VPS13A: variants seen among roughly 807,000 people sequenced by gnomAD.
VPS13A encodes the protein intermembrane lipid transfer protein VPS13A.
A neutral mutation model predicts 390.9 loss-of-function variants in VPS13A; 264 were observed. The ratio of observed to expected loss-of-function variants is 0.68; its 90% confidence interval spans 0.61 to 0.75. The LOEUF (loss-of-function observed/expected upper bound fraction) is 0.75, where lower values mean the gene tolerates loss of function less well. VPS13A is among the 30% of genes least tolerant of loss of function. The probability of loss-of-function intolerance (pLI) is 0.00; values close to 1 mark genes in which losing one functional copy is unlikely to be tolerated. For synonymous variants in VPS13A, 1,231 were observed against 1,227.1 expected (o/e 1.00, Z -0.07); for missense variants, 3,409 against 3,733.9 (o/e 0.91, Z 2.27).
At chr9:77,366,656 T>G (rs1018219086) in intron 60 of VPS13A, 71 bp from the exon 61 acceptor site, 28 of 1,365,784 alleles carry the variant, frequency 2.1e-5, no homozygotes, top group Non-Finnish European at 2.7e-5. Flanking sequence ...AAAATTAAAC[T>G]GATTTTTTAA....
chr9:77,220,693 C>G (rs536373858), intron 12 of VPS13A, among the ~76,000 whole-genome samples: 2 of 152,036 alleles, frequency 1.3e-5, no homozygotes, highest in Non-Finnish European at 2.9e-5. Context: ...TGCATTGTCT[C>G]TCCCCAACCC....
At chr9:77,278,101 C>T (rs1024105973) in intron 26 of VPS13A, among the ~76,000 whole-genome samples, 5 of 151,786 alleles carry the variant, frequency 3.3e-5, no homozygotes, top group Non-Finnish European at 5.9e-5. Flanking sequence ...GATGGAGTCT[C>T]GCTCTGTTGC....
intron 3 of VPS13A, among the ~76,000 whole-genome samples, chr9:77,203,330 C>T (rs150103730): frequency 5.1e-4 from 78 of 152,154 alleles, no homozygotes; most frequent in Non-Finnish European, 8.8e-4. Flanking sequence ...GCTCTGTTGC[C>T]CAGGCTGGAG....
chr9:77,222,102 T>G (rs1228294719), intron 13 of VPS13A, among the ~76,000 whole-genome samples: 1 of 152,188 alleles, frequency 6.6e-6, no homozygotes, highest in East Asian at 1.9e-4. Context: ...GAAGTTAATG[T>G]AAACATTCTG....
intron 50 of VPS13A, 132 bp from the exon 51 acceptor site, chr9:77,344,021 C>T (rs1830991876): frequency 2.5e-6 from 2 of 812,920 alleles, no homozygotes; most frequent in Admixed American, 5.7e-5. Flanking sequence ...GTTTAAACAA[C>T]CCAATAACTA....
chr9:77,266,570 G>A (rs116973070), intron 23 of VPS13A, among the ~76,000 whole-genome samples: 11 of 152,204 alleles, frequency 7.2e-5, no homozygotes, highest in Admixed American at 1.3e-4. Context: ...GTAACCTGAC[G>A]TTTCTCTGTG....
intron 25 of VPS13A, 91 bp downstream of exon 25, chr9:77,275,743 A>G (rs1826625579): frequency 2.1e-6 from 3 of 1,406,796 alleles, no homozygotes; most frequent in Admixed American, 3.6e-5. Flanking sequence ...AAGAAGCACT[A>G]TCTTTTTCAC....
At chr9:77,339,100 A>T (rs190758879) in intron 47 of VPS13A, 2 of 212,074 alleles carry the variant, frequency 9.4e-6, no homozygotes, top group African/African-American at 4.8e-5. Context: ...AGTAGGGATT[A>T]CTTATTTTGG....
intron 52 of VPS13A, among the ~76,000 whole-genome samples, chr9:77,348,282 C>T (rs190782360): frequency 2.6e-5 from 4 of 152,256 alleles, no homozygotes; most frequent in Admixed American, 6.5e-5. Flanking sequence ...ACCATGGATA[C>T]TATGCAGCCG....
At position 77,372,767 on chromosome 9, in the gene VPS13A, A is replaced by G. The variant is rs555087319; in HGVS notation, c.9077+1618A>G. 5.9e-5 allele frequency among the ~76,000 whole-genome samples: 9 copies of G among 152,360 alleles called. No individual in the cohort carries two copies. The East Asian group carries it at 7.7e-4, about 13-fold the overall frequency. Reference sequence around the variant, plus strand: ...TCTCAGCCCAAAATCTCCTTAAGCTAAGAAGCAACTTCAGCAAAGTCTTAG... The same window carrying G: ...TCTCAGCCCAAAATCTCCTTAAGCTGAGAAGCAACTTCAGCAAAGTCTTAG... On this transcript the variant is annotated intron_variant, in intron 67 of 71. Transcript: ENST00000360280.
At chr9:77,196,048 T>G (rs1824981505) in intron 1 of VPS13A, among the ~76,000 whole-genome samples, 1 of 152,164 alleles carries the variant, frequency 6.6e-6, no homozygotes, top group Non-Finnish European at 1.5e-5. Context: ...GGTTACCTTT[T>G]TGACCCGTTT....
intron 68 of VPS13A, chr9:77,382,457 G>T: frequency 7.3e-7 from 1 of 1,372,052 alleles, no homozygotes; most frequent in South Asian, 2.0e-5. Flanking sequence ...TTTTTTATAG[G>T]GTGTTCTTAG....
chr9:77,357,644 C>G, intron 55 of VPS13A, 48 bp from the exon 56 acceptor site: 1 of 1,583,414 alleles, frequency 6.3e-7, no homozygotes, highest in Non-Finnish European at 8.6e-7. Context: ...TAATTCTAGT[C>G]ATTTATAGAT....
At chr9:77,279,780 G>A (rs1236676585) in intron 26 of VPS13A, 2 of 195,334 alleles carry the variant, frequency 1.0e-5, no homozygotes, top group Non-Finnish European at 1.1e-5. Flanking sequence ...GGTTTTCAAG[G>A]ACTCTGATGA....
At chr9:77,203,086 A>G (rs1825424333) in intron 3 of VPS13A, among the ~76,000 whole-genome samples, 1 of 152,166 alleles carries the variant, frequency 6.6e-6, no homozygotes, top group Non-Finnish European at 1.5e-5. Context: ...TCCCCTTGCT[A>G]TTATTGGGTA....
rs967031995 is a variant in VPS13A, at chr9:77,339,838, G to C, written c.6701G>C (p.Arg2234Pro). 5 of 1,613,728 alleles carry C rather than the reference G, an allele frequency of 3.1e-6. No homozygotes were observed. The highest frequency in any genetic ancestry group is 4.2e-6 in the Non-Finnish European group (5 of 1,179,930). ...MLQYKADGIHRKHPPNYKKPV... is the reference protein window; with the variant it reads ...MLQYKADGIHPKHPPNYKKPV... ...CAGTACAAAGCAGACGGAATTCATC[G>C]AAAGCATCCACCTAATTATAAAAAG... The change falls in exon 48 of 72, where the codon CGA (arginine) becomes CCA (proline). Residue 2234 changes from arginine to proline, a missense_variant. Arg to Pro is a moderately radical substitution (Grantham distance 103). Around this residue, in one of 5 missense-constraint regions of VPS13A, gnomAD observed 2,717 missense variants for 2,917.4 expected, o/e 0.93. Transcript: ENST00000360280.
intron 1 of VPS13A, among the ~76,000 whole-genome samples, chr9:77,183,843 A>G (rs1220733917): frequency 1.3e-5 from 2 of 152,246 alleles, no homozygotes; most frequent in African/African-American, 2.4e-5. Context: ...GTATCCACCA[A>G]CAGGTGAATG....
chr9:77,267,945 C>G (rs1402589870), intron 23 of VPS13A, among the ~76,000 whole-genome samples: 1 of 152,228 alleles, frequency 6.6e-6, no homozygotes, highest in Non-Finnish European at 1.5e-5. Context: ...TTTGAACTTC[C>G]AGGCAACTTT....
At chr9:77,237,609 C>A (rs1004087170) in intron 17 of VPS13A, among the ~76,000 whole-genome samples, 3 of 152,156 alleles carry the variant, frequency 2.0e-5, no homozygotes, top group African/African-American at 7.2e-5. Context: ...AAGTTATCCA[C>A]CTGTCTTGAC....
Sources: allele counts gnomAD v4.1 joint callset (sites outside exome capture counted in the v4.1 genomes callset), GRCh38; gene constraint gnomAD v4.1.1; regional missense constraint gnomAD v4.1.1; transcripts MANE v1.5; gene names NCBI Gene and HGNC (gene_info 2026-07-23, HGNC 2026-07-21).